Variants in ZNF718 observed in about 807,000 individuals in gnomAD.
ZNF718 encodes the protein zinc finger protein 718.
In ZNF718, 3 loss-of-function variants were observed where a neutral mutation model predicts 2.6. That is an observed-to-expected ratio of 1.16 (90% confidence interval 0.53 to 3.01). The LOEUF (loss-of-function observed/expected upper bound fraction) is 3.01, where lower values mean the gene tolerates loss of function less well. Among genes scored for constraint, ZNF718 ranks in the 30% most tolerant of loss-of-function variants. ZNF718 has a pLI of 0.03. For missense variants in ZNF718, 468 were observed against 230.0 expected, an observed-to-expected ratio of 2.03 and a Z score of -6.69; for synonymous variants, 135 against 77.9, an observed-to-expected ratio of 1.73 and a Z score of -3.86.
At chr4:194,564 G>T (rs1223695688) in intron 3 of ZNF718, among the ~76,000 whole-genome samples, 2 of 152,190 alleles carry the variant, frequency 1.3e-5, no homozygotes, top group African/African-American at 4.8e-5. Context: ...TCAGGCTACA[G>T]TTATGGTGGC....
Position 162,449 on chromosome 4 carries a change from A to G in ZNF718, c.*327A>G, listed in dbSNP as rs1021644900. ...TATACTTGAGAAAAATTGTACAAATATAGAAAATGTAGAAAAGCCATTAAT... is the reference window on the plus strand; with the variant it reads ...TATACTTGAGAAAAATTGTACAAATGTAGAAAATGTAGAAAAGCCATTAAT... On this transcript the variant is annotated 3_prime_UTR_variant, in exon 4 of 4. Transcript: ENST00000510175. The G allele has an allele frequency of 5.1e-6, 1 of 196,732 alleles. No individual in the cohort carries two copies. Among genetic ancestry groups the G allele is most frequent in the African/African-American group, 2.3e-5 (1 of 42,994 alleles). The allele number at this position is 196,732 out of a possible 1,614,324, so 12.2% of individuals were successfully genotyped here. A position where few individuals can be genotyped will look rare whatever the true frequency, so the allele number is the denominator to read the frequency against.
chr4:159,118 C>A lies in ZNF718; in HGVS notation c.227-1794C>A, dbSNP rs144091783. Among the ~76,000 whole-genome samples, 1,041 of 150,942 alleles carry A rather than the reference C, an allele frequency of 6.9e-3. 12 individuals are homozygous for A. Among genetic ancestry groups the A allele is most frequent in the African/African-American group, 0.024 (982 of 41,032 alleles). The stretch of plus-strand genomic sequence containing the variant: ...GTGGCGCGATCTTGGCTCACTGCAA[C>A]CTCTGCCTCCTGGGTTCAAGCAATT... On this transcript the variant is annotated intron_variant, in intron 3 of 3. Transcript: ENST00000510175.
chr4:133,195 AATATATATATAT>A (rs1164522262), intron 3 of ZNF718, among the ~76,000 whole-genome samples: 19 of 20,778 alleles, frequency 9.1e-4, no homozygotes, highest in African/African-American at 3.2e-3. Flanking sequence ...AAAAAAAAAA[AATATATATATAT>A]ATATATATAT....
At chr4:193,474 G>C (rs1717732520) in intron 3 of ZNF718, among the ~76,000 whole-genome samples, 1 of 152,168 alleles carries the variant, frequency 6.6e-6, no homozygotes, top group Non-Finnish European at 1.5e-5. Context: ...CCTAATTCTA[G>C]TGTATAATGG....
At chr4:189,295 T>A (rs1717646368) in intron 3 of ZNF718, among the ~76,000 whole-genome samples, 1 of 152,114 alleles carries the variant, frequency 6.6e-6, no homozygotes, top group Non-Finnish European at 1.5e-5. Context: ...ATTAGATATA[T>A]CTTTCCTTAT....
At chr4:178,915 ATTCTT>A (rs1276634316) in intron 3 of ZNF718, among the ~76,000 whole-genome samples, 5 of 152,092 alleles carry the variant, frequency 3.3e-5, no homozygotes, top group Non-Finnish European at 7.4e-5. Context: ...ACCATTTTTT[ATTCTT>A]TTCTTGTTAC....
At chr4:199,571 G>A (rs562730537) in intron 3 of ZNF718, among the ~76,000 whole-genome samples, 1 of 152,344 alleles carries the variant, frequency 6.6e-6, no homozygotes, top group African/African-American at 2.4e-5. Flanking sequence ...TCTAATTTAG[G>A]ATTTTAGTCC....
chr4:127,077 G>A (rs1230893239), intron 1 of ZNF718, among the ~76,000 whole-genome samples: 1 of 151,880 alleles, frequency 6.6e-6, no homozygotes, highest in East Asian at 1.9e-4. Context: ...ACCGGCCTTG[G>A]CCTCCCAAAG....
intron 3 of ZNF718, among the ~76,000 whole-genome samples, chr4:173,048 A>G (rs1470600229): frequency 2.0e-5 from 3 of 152,030 alleles, no homozygotes; most frequent in Non-Finnish European, 1.5e-5. Flanking sequence ...CATCTTAAAA[A>G]AATAAATAAA....
chr4:154,486 A>C (rs1716476378), intron 3 of ZNF718, among the ~76,000 whole-genome samples: 1 of 152,338 alleles, frequency 6.6e-6, no homozygotes, highest in Non-Finnish European at 1.5e-5. Context: ...AATCCAGTCC[A>C]AGGTGCTCTC....
intron 3 of ZNF718, among the ~76,000 whole-genome samples, chr4:187,680 G>T (rs1230389877): frequency 1.3e-5 from 2 of 152,210 alleles, no homozygotes; most frequent in African/African-American, 4.8e-5. Flanking sequence ...GAGGTGGCTG[G>T]AGACCATGGT....
intron 3 of ZNF718, among the ~76,000 whole-genome samples, chr4:136,749 C>G (rs1156433037): frequency 1.3e-5 from 2 of 152,142 alleles, no homozygotes; most frequent in African/African-American, 4.8e-5. Context: ...AAGATTTATC[C>G]TTATTGTAGC....
intron 3 of ZNF718, among the ~76,000 whole-genome samples, chr4:172,246 C>T (rs1717254107): frequency 6.6e-6 from 1 of 152,168 alleles, no homozygotes; most frequent in Non-Finnish European, 1.5e-5. Context: ...GCTTATTTCA[C>T]TTGGCATAAT....
intron 3 of ZNF718, among the ~76,000 whole-genome samples, chr4:184,962 G>C (rs1553820296): frequency 1.3e-5 from 2 of 152,016 alleles, no homozygotes; most frequent in Non-Finnish European, 2.9e-5. Context: ...TCCTGGATTT[G>C]TTGACATTTT....
At chr4:160,649 A>G (rs1716781933) in intron 3 of ZNF718, among the ~76,000 whole-genome samples, 1 of 152,180 alleles carries the variant, frequency 6.6e-6, no homozygotes. Flanking sequence ...TCCCGGGTTC[A>G]AGGGATTCTC....
chr4:135,732 T>TTATATATATATATATATATATA (rs1303050207), intron 3 of ZNF718, among the ~76,000 whole-genome samples: 1,093 of 77,462 alleles, frequency 0.014, 76 homozygotes, highest in East Asian at 0.067. Flanking sequence ...TACTCTAGAG[T>TTATATATATATATATATATATA]TATATATATG....
intron 3 of ZNF718, chr4:149,779 T>G (rs879946578): frequency 6.6e-5 from 10 of 152,302 alleles, no homozygotes; most frequent in Non-Finnish European, 1.5e-4. Context: ...TACCATCTGT[T>G]TATTGTCTTA....
chr4:158,682 G>C (rs963482170), intron 3 of ZNF718, among the ~76,000 whole-genome samples: 1 of 151,594 alleles, frequency 6.6e-6, no homozygotes, highest in Non-Finnish European at 1.5e-5. Context: ...TTTTTATTTT[G>C]CATATTAACA....
intron 3 of ZNF718, among the ~76,000 whole-genome samples, chr4:192,273 C>G (rs916133500): frequency 2.0e-5 from 3 of 152,198 alleles, no homozygotes; most frequent in Non-Finnish European, 4.4e-5. Flanking sequence ...GGAGGGGACC[C>G]AAAGGGGGTT....
Sources: gnomAD v4.1 joint callset for allele counts (sites outside exome capture counted in the v4.1 genomes callset) on GRCh38, gnomAD v4.1.1 for gene constraint, MANE v1.5 for transcripts, NCBI Gene and HGNC (gene_info 2026-07-23, HGNC 2026-07-21) for gene names.